The following GPC5 variants were observed in gnomAD, a reference collection of about 807,000 sequenced individuals.
GPC5 encodes glypican 5.
In GPC5, 47 loss-of-function variants were observed where a neutral mutation model predicts 53.9. The ratio of observed to expected loss-of-function variants is 0.87; its 90% confidence interval spans 0.69 to 1.11. The LOEUF (loss-of-function observed/expected upper bound fraction) is 1.11, where lower values mean the gene tolerates loss of function less well. Ranked by LOEUF, GPC5 falls within the 50% of genes most tolerant of loss-of-function variation. The probability of loss-of-function intolerance (pLI) is 0.00; values close to 1 mark genes in which losing one functional copy is unlikely to be tolerated. For synonymous variants in GPC5, 286 were observed against 263.3 expected (o/e 1.09, Z -0.84); for missense variants, 748 against 713.1 (o/e 1.05, Z -0.56).
chr13:91,750,613 C>T (rs1049678493), intron 4 of GPC5, among the ~76,000 whole-genome samples: 1 of 149,864 alleles, frequency 6.7e-6, no homozygotes. Context: ...GAGCTGGCAA[C>T]TGAGATTTGA....
chr13:92,137,109 A>G (rs1304979346), intron 6 of GPC5, among the ~76,000 whole-genome samples: 1 of 151,812 alleles, frequency 6.6e-6, no homozygotes, highest in Non-Finnish European at 1.5e-5. Flanking sequence ...AGTTTTACGG[A>G]TGCAGTGTCA....
At chr13:91,410,640 C>T (rs1307432700) in intron 1 of GPC5, among the ~76,000 whole-genome samples, 4 of 152,048 alleles carry the variant, frequency 2.6e-5, no homozygotes, top group Non-Finnish European at 5.9e-5. Context: ...GCCACTACGC[C>T]CGGCCTTCCT....
At chr13:92,437,553 T>C (rs1452525959) in intron 7 of GPC5, among the ~76,000 whole-genome samples, 1 of 152,172 alleles carries the variant, frequency 6.6e-6, no homozygotes, top group Non-Finnish European at 1.5e-5. Context: ...AAAATTCTTA[T>C]AGTTGCGTTA....
intron 7 of GPC5, among the ~76,000 whole-genome samples, chr13:92,471,270 G>C (rs916502093): frequency 6.6e-6 from 1 of 152,108 alleles, no homozygotes; most frequent in Non-Finnish European, 1.5e-5. Context: ...TTTTAATCAT[G>C]TTTTTAAATA....
At chr13:92,177,079 T>C (rs2042114139) in intron 7 of GPC5, among the ~76,000 whole-genome samples, 1 of 152,232 alleles carries the variant, frequency 6.6e-6, no homozygotes. Context: ...ATCTGCCTTT[T>C]TGGATTTTGG....
chr13:92,060,755 A>G (rs2041116278), intron 6 of GPC5, among the ~76,000 whole-genome samples: 1 of 145,878 alleles, frequency 6.9e-6, no homozygotes, highest in Non-Finnish European at 1.5e-5. Context: ...TGCTTGTCAA[A>G]TTGCTGTTGT....
chr13:92,377,918 T>C (rs1479561324), intron 7 of GPC5, among the ~76,000 whole-genome samples: 2 of 152,216 alleles, frequency 1.3e-5, no homozygotes, highest in Non-Finnish European at 2.9e-5. Flanking sequence ...AATAGTTTAC[T>C]TCTTGTATCC....
intron 7 of GPC5, among the ~76,000 whole-genome samples, chr13:92,663,866 A>AC (rs1886466803): frequency 1.6e-4 from 1 of 6,394 alleles, no homozygotes; most frequent in African/African-American, 2.8e-4. Flanking sequence ...CTATATATAT[A>AC]TATATATATA....
chr13:92,386,163 G>C (rs1006908115), intron 7 of GPC5, among the ~76,000 whole-genome samples: 2 of 151,886 alleles, frequency 1.3e-5, no homozygotes, highest in African/African-American at 4.8e-5. Flanking sequence ...GCTGTAAAAA[G>C]GTATAGCATC....
chr13:91,761,268 G>T (rs951744967), intron 5 of GPC5, among the ~76,000 whole-genome samples: 5 of 152,092 alleles, frequency 3.3e-5, no homozygotes, highest in Non-Finnish European at 7.4e-5. Context: ...TATCTGTTAA[G>T]TACCTTTTTG....
intron 7 of GPC5, among the ~76,000 whole-genome samples, chr13:92,743,794 A>G (rs904975136): frequency 6.6e-6 from 1 of 152,178 alleles, no homozygotes; most frequent in Non-Finnish European, 1.5e-5. Context: ...TTTTAACATG[A>G]AGGCTGTTGA....
chr13:92,143,841 T>C lies in GPC5; in HGVS notation c.1402-989T>C, dbSNP rs555722632. ...TGTGTGTTTAATTATTGTCTGCTAA[T>C]TGATAATATTATTTGGAAAGTCACA... On this transcript the variant is annotated intron_variant, in intron 6 of 7. Transcript: ENST00000377067. Among the ~76,000 whole-genome samples the C allele has an allele frequency of 3.3e-5, 5 of 152,236 alleles. 1 individual carries two copies. The South Asian group carries it at 1.0e-3, about 32-fold the overall frequency.
intron 4 of GPC5, among the ~76,000 whole-genome samples, chr13:91,739,307 T>A (rs758061562): frequency 6.6e-6 from 1 of 151,320 alleles, no homozygotes; most frequent in Non-Finnish European, 1.5e-5. Context: ...GCCTCCTGGC[T>A]GCTGTGTTCC....
rs74106727 is a variant in GPC5, at chr13:91,415,256, G to C, written c.163+16047G>C. Among the ~76,000 whole-genome samples, 1,161 of 152,266 alleles carry C rather than the reference G, an allele frequency of 7.6e-3. 17 individuals are homozygous for C. Among genetic ancestry groups the C allele is most frequent in the African/African-American group, 0.027 (1,129 of 41,546 alleles). ...AGGATTGCTTAGGCTTGCTGTAAAAGTGGTGAATCCCCAACAAGTTCAGTG... is the reference window on the plus strand; with the variant it reads ...AGGATTGCTTAGGCTTGCTGTAAAACTGGTGAATCCCCAACAAGTTCAGTG... On this transcript the variant is annotated intron_variant, in intron 1 of 7. Transcript: ENST00000377067.
chr13:91,673,364 G>A (rs1007386838), intron 2 of GPC5, among the ~76,000 whole-genome samples: 5 of 152,064 alleles, frequency 3.3e-5, no homozygotes, highest in East Asian at 1.9e-4. Context: ...AGTTATTCTA[G>A]TGACTAAATA....
intron 7 of GPC5, among the ~76,000 whole-genome samples, chr13:92,662,616 A>G (rs1886387967): frequency 6.6e-6 from 1 of 152,154 alleles, no homozygotes; most frequent in African/African-American, 2.4e-5. Context: ...TCCTTTGGAT[A>G]ACTGCCACTC....
intron 6 of GPC5, among the ~76,000 whole-genome samples, chr13:91,950,227 A>G (rs1213502904): frequency 6.7e-6 from 1 of 150,344 alleles, no homozygotes; most frequent in African/African-American, 2.5e-5. Flanking sequence ...CCTCACACCA[A>G]TAGCAGAATT....
rs1207861156 is a variant in GPC5 at position 92,245,552 on chromosome 13, G to T, written c.1561+100563G>T. Among the ~76,000 whole-genome samples the T allele has an allele frequency of 3.3e-5, 5 of 152,192 alleles. No homozygotes were observed. In the South Asian group the frequency reaches 1.0e-3, roughly 32 times the overall value. On this transcript the variant is annotated intron_variant, in intron 7 of 7. Transcript: ENST00000377067. ...AATGAATGATTAAATAAACATGTCT[G>T]AACCTTAGTTTCTTTATACAGAAAG...
intron 7 of GPC5, chr13:92,447,635 A>C (rs973995291): frequency 6.6e-6 from 1 of 152,160 alleles, no homozygotes; most frequent in East Asian, 1.9e-4. Context: ...TATGCTTTTG[A>C]AAGTAAAGTA....
Sources: gnomAD v4.1 joint callset for allele counts (sites outside exome capture counted in the v4.1 genomes callset) on GRCh38, gnomAD v4.1.1 for gene constraint, MANE v1.5 for transcripts, NCBI Gene and HGNC (gene_info 2026-07-23, HGNC 2026-07-21) for gene names.